Variants in SBSPON observed in about 807,000 individuals in gnomAD.
The protein encoded by SBSPON is somatomedin B and thrombospondin type 1 domain containing, also known as somatomedin-B and thrombospondin type-1 domain-containing protein.
A neutral mutation model predicts 35.8 loss-of-function variants in SBSPON; 30 were observed. That is an observed-to-expected ratio of 0.84 (90% CI 0.63 to 1.14). The LOEUF is 1.14. Ranked by LOEUF, SBSPON falls within the 50% of genes most tolerant of loss-of-function variation. The pLI is 0.00. For missense variants in SBSPON, 364 were observed against 357.7 expected (o/e 1.02, Z -0.14); for synonymous variants, 136 against 135.9 (o/e 1.00, Z 0.00).
intron 1 of SBSPON, among the ~76,000 whole-genome samples, chr8:73,091,611 A>G (rs1317975595): frequency 6.6e-6 from 1 of 152,330 alleles, no homozygotes; most frequent in East Asian, 1.9e-4. Flanking sequence ...GCTCAAGGGC[A>G]CTGCATTTCC....
intron 3 of SBSPON, among the ~76,000 whole-genome samples, chr8:73,070,792 T>C (rs1810480637): frequency 6.6e-6 from 1 of 152,172 alleles, no homozygotes; most frequent in African/African-American, 2.4e-5. Context: ...TAACAGAAAC[T>C]TGTGGCATTT....
intron 4 of SBSPON, among the ~76,000 whole-genome samples, chr8:73,069,477 T>C (rs7011754): frequency 0.7 from 105,715 of 151,924 alleles, 37,770 homozygotes; most frequent in African/African-American, 0.81. Context: ...TACCATGTTG[T>C]CCAGGCTGGT....
At chr8:73,084,551 C>A (rs1052461730) in intron 1 of SBSPON, among the ~76,000 whole-genome samples, 4 of 152,100 alleles carry the variant, frequency 2.6e-5, no homozygotes, top group African/African-American at 9.7e-5. Flanking sequence ...GCCACATGGG[C>A]CTCTTTACCC....
chr8:73,079,542 C>T (rs562713852), intron 2 of SBSPON, among the ~76,000 whole-genome samples: 1 of 152,230 alleles, frequency 6.6e-6, no homozygotes, highest in East Asian at 1.9e-4. Flanking sequence ...CCTGCCTGGG[C>T]AGCTCTACAG....
Position 73,071,829 on chromosome 8 carries a change from T to G in SBSPON, c.451A>C (p.Thr151Pro). The G allele has an allele frequency of 6.2e-7, 1 of 1,611,262 alleles. No individual in the cohort carries two copies. Among genetic ancestry groups the G allele is most frequent in the Non-Finnish European group, 8.5e-7 (1 of 1,178,146 alleles). ...CAGTGTGGAGACGTAGCTTGTCGTG[T>G]TCTCTCCTTGTTGAATGCAGAGGTA... ...ITTSAFNKER[T>P]RQATSPHWST... Residue 151 changes from threonine (T) to proline (P), a missense_variant, in exon 3 of 5, where the codon ACA becomes CCA. By Grantham distance (38) the Thr-to-Pro change is conservative (BLOSUM62 -1). Transcript: ENST00000297354.
At chr8:73,069,154 T>C (rs1169760840) in intron 4 of SBSPON, among the ~76,000 whole-genome samples, 1 of 152,204 alleles carries the variant, frequency 6.6e-6, no homozygotes, top group Non-Finnish European at 1.5e-5. Flanking sequence ...TAGTCGGAAA[T>C]GAGGTTCAGG....
At position 73,075,475 on chromosome 8, in the gene SBSPON, C is replaced by T. The variant is rs772937716; in HGVS notation, c.410-3605G>A. Reference sequence around the variant, plus strand: ...GTGCGGAAGCACGTAACCCAGCATCCCTGGGACAAAGGCCCCCAATAAATC... The same window carrying T: ...GTGCGGAAGCACGTAACCCAGCATCTCTGGGACAAAGGCCCCCAATAAATC... On this transcript the variant is annotated intron_variant, in intron 2 of 4. Coordinates refer to ENST00000297354, the MANE Select transcript of SBSPON (RefSeq NM_153225.4). Among the ~76,000 whole-genome samples, 57 of 152,238 alleles carry T rather than the reference C, an allele frequency of 3.7e-4. 2 individuals carry two copies. The highest frequency in any genetic ancestry group is 1.6e-3 in the Admixed American group (24 of 15,290).
rs1810963880 is a variant in SBSPON, at chr8:73,092,933, C to A, written c.135G>T (p.Arg45Ser). Residue 45 changes from arginine (R) to serine (S), a missense_variant, in exon 1 of 5, where the codon AGG becomes AGT. Transcript: ENST00000297354. ...GGTCGCAGAAACACGTCCCGTAGAC[C>A]CTGTCCAGCCTCCAGCCGCGGGCGA... is the stretch of plus-strand genomic sequence containing the variant. ...ACFARGWRLDRVYGTCFCDQA... is the reference protein window; with the variant it reads ...ACFARGWRLDSVYGTCFCDQA... 6.2e-7 allele frequency: 1 copy of A among 1,608,846 alleles called. No homozygotes were observed. Among genetic ancestry groups the A allele is most frequent in the Non-Finnish European group, 8.5e-7 (1 of 1,178,490 alleles).
At chr8:73,084,562 C>T (rs1009812293) in intron 1 of SBSPON, among the ~76,000 whole-genome samples, 2 of 152,136 alleles carry the variant, frequency 1.3e-5, no homozygotes, top group Non-Finnish European at 2.9e-5. Flanking sequence ...CTCTTTACCC[C>T]TTGAACACAC....
Position 73,069,886 on chromosome 8 carries a change from T to TTG in SBSPON, c.595_596insCA (p.Tyr199SerfsTer13). ...AGGCTGACAATCCACACACACCGTG[T>TTG]ATCCCTCTCGGAGATACTGCATCCA... On this transcript the variant is annotated frameshift_variant, in exon 4 of 5. Transcript: ENST00000297354. LOFTEE classifies it high-confidence loss of function. The TTG allele has an allele frequency of 6.2e-7, 1 of 1,613,834 alleles. No homozygotes were observed. Among genetic ancestry groups the TTG allele is most frequent in the Non-Finnish European group, 8.5e-7 (1 of 1,179,728 alleles).
rs540508792 is a variant in SBSPON, at chr8:73,071,944, T to G, written c.410-74A>C. ...CCATCGTTTCCCAATTTTGGTTTTG[T>G]ACCTGTCTAAGGGTCTCCATTCCTA... On this transcript the variant is annotated intron_variant, in intron 2 of 4. Transcript: ENST00000297354. 104 of 923,542 alleles carry G rather than the reference T, an allele frequency of 1.1e-4. No homozygotes were observed. The African/African-American group carries it at 1.4e-3, about 12-fold the overall frequency. The allele number at this position is 923,542 out of a possible 1,614,324, so 57.2% of individuals were successfully genotyped here. A position where few individuals can be genotyped will look rare whatever the true frequency, so the allele number is the denominator to read the frequency against.
Position 73,081,302 on chromosome 8 carries a change from T to G in SBSPON, c.215-89A>C, listed in dbSNP as rs1012635018. 8.6e-4 allele frequency: 1,029 copies of G among 1,202,726 alleles called. 8 individuals are homozygous for G. Among genetic ancestry groups the G allele is most frequent in the Non-Finnish European group, 1.1e-4 (92 of 872,464 alleles). The allele number at this position is 1,202,726 out of a possible 1,614,324, so 74.5% of individuals were successfully genotyped here. A position where few individuals can be genotyped will look rare whatever the true frequency, so the allele number is the denominator to read the frequency against. On this transcript the variant is annotated intron_variant, in intron 1 of 4. Transcript: ENST00000297354. ...GCCAACACAAACAGCTGAGTTTAGC[T>G]CCATGTAAACTTTGCCTGGCCCCAG...
chr8:73,078,451 T>C (rs1266537109), intron 2 of SBSPON, among the ~76,000 whole-genome samples: 1 of 152,166 alleles, frequency 6.6e-6, no homozygotes, highest in Non-Finnish European at 1.5e-5. Context: ...GGCTGTTCAG[T>C]ACAGATATGT....
intron 1 of SBSPON, among the ~76,000 whole-genome samples, chr8:73,086,851 T>C (rs528091781): frequency 3.4e-4 from 52 of 152,362 alleles, no homozygotes; most frequent in African/African-American, 1.2e-3. Context: ...TTCTGTATTT[T>C]CCAAATTTTC....
In SBSPON at chr8:73,092,944, T is replaced by A. The variant is rs114228241; in HGVS notation, c.124A>T (p.Arg42Trp). 1.9e-6 allele frequency: 3 copies of A among 1,605,134 alleles called. No individual in the cohort carries two copies. The highest frequency in any genetic ancestry group is 2.5e-6 in the Non-Finnish European group (3 of 1,177,386). Residue 42 changes from arginine (R) to tryptophan (W), a missense_variant, in exon 1 of 5, where the codon AGG (arginine) becomes TGG (tryptophan). Physicochemically the swap from Arg to Trp is moderately radical, Grantham distance 101. Coordinates refer to ENST00000297354, the MANE Select transcript of SBSPON (RefSeq NM_153225.4). ...CACGTCCCGTAGACCCTGTCCAGCCTCCAGCCGCGGGCGAAGCAGGCGGGG... is the reference window on the plus strand; with the variant it reads ...CACGTCCCGTAGACCCTGTCCAGCCACCAGCCGCGGGCGAAGCAGGCGGGG... Reference protein sequence around the residue: ...RDPACFARGWRLDRVYGTCFC... With the variant: ...RDPACFARGWWLDRVYGTCFC...
intron 1 of SBSPON, among the ~76,000 whole-genome samples, chr8:73,090,455 A>G (rs28707783): frequency 0.39 from 59,116 of 152,178 alleles, 13,983 homozygotes; most frequent in African/African-American, 0.67. Flanking sequence ...GCAGGCGGTG[A>G]CCGCCCTGCC....
rs1161911874 is a variant in SBSPON, at chr8:73,066,310, T to G, written c.*1031A>C. ...TTTGGCTCTGTGGCTGACTGCAGAA[T>G]GACTTGTCATCCCAGGTCCTTAAAC... On this transcript the variant is annotated 3_prime_UTR_variant, in exon 5 of 5. Coordinates refer to ENST00000297354, the MANE Select transcript of SBSPON (RefSeq NM_153225.4). The G allele has an allele frequency of 2.6e-5, 4 of 152,190 alleles. No individual in the cohort carries two copies. Among genetic ancestry groups the G allele is most frequent in the Non-Finnish European group, 4.4e-5 (3 of 68,040 alleles). The allele number at this position is 152,190 out of a possible 1,614,324, so 9.4% of individuals were successfully genotyped here. A position where few individuals can be genotyped will look rare whatever the true frequency, so the allele number is the denominator to read the frequency against.
chr8:73,083,999 T>C (rs1810768503), intron 1 of SBSPON, among the ~76,000 whole-genome samples: 1 of 152,200 alleles, frequency 6.6e-6, no homozygotes, highest in African/African-American at 2.4e-5. Flanking sequence ...AATTTATTTG[T>C]GAGGTGATCT....
At chr8:73,089,706 A>G (rs1810896574) in intron 1 of SBSPON, among the ~76,000 whole-genome samples, 1 of 152,232 alleles carries the variant, frequency 6.6e-6, no homozygotes. Context: ...TTATGATGTA[A>G]ATATTTAATC....
Sources: gnomAD v4.1 joint callset for allele counts (sites outside exome capture counted in the v4.1 genomes callset) on GRCh38, gnomAD v4.1.1 for gene constraint, MANE v1.5 for transcripts, NCBI Gene and HGNC (gene_info 2026-07-23, HGNC 2026-07-21) for gene names.